SIL1: variants seen among roughly 807,000 people sequenced by gnomAD.
SIL1 encodes the protein SIL1 nucleotide exchange factor, also known as nucleotide exchange factor SIL1.
SIL1 carries 40 observed loss-of-function variants against 49.1 expected under a neutral mutation model. That is an observed-to-expected ratio of 0.81 (90% CI 0.63 to 1.06). The LOEUF (loss-of-function observed/expected upper bound fraction) is 1.06. Among genes scored for constraint, SIL1 ranks in the 50% least tolerant of loss-of-function variants. The pLI is 0.00. For missense variants in SIL1, 500 were observed against 572.6 expected (o/e 0.87, Z 1.29); for synonymous variants, 253 against 250.8 (o/e 1.01, Z -0.08).
At chr5:139,192,223 CAAA>C (rs71574438) in intron 1 of SIL1, among the ~76,000 whole-genome samples, 4 of 107,104 alleles carry the variant, frequency 3.7e-5, no homozygotes, top group Admixed American at 9.9e-5. Context: ...GACCCCATCT[CAAA>C]AAAAAAAAAA....
chr5:138,961,620 C>T (rs1007658163), intron 7 of SIL1, among the ~76,000 whole-genome samples: 2 of 152,104 alleles, frequency 1.3e-5, no homozygotes, highest in Admixed American at 6.5e-5. Flanking sequence ...ACACTGTTCT[C>T]GGAGGTTGCA....
intron 1 of SIL1, among the ~76,000 whole-genome samples, chr5:139,181,003 C>T (rs1751973040): frequency 6.6e-6 from 1 of 152,176 alleles, no homozygotes; most frequent in African/African-American, 2.4e-5. Context: ...TAACCCTTCC[C>T]CCTGCACTCA....
chr5:139,068,655 G>GAAAAAAAAAA (rs745799045), intron 3 of SIL1, among the ~76,000 whole-genome samples: 10 of 64,796 alleles, frequency 1.5e-4, no homozygotes, highest in Admixed American at 1.8e-4. Flanking sequence ...GAATGAAAAG[G>GAAAAAAAAAA]AAAAAAAAAA....
intron 7 of SIL1, among the ~76,000 whole-genome samples, chr5:138,957,115 A>T (rs963607787): frequency 6.6e-6 from 1 of 152,068 alleles, no homozygotes; most frequent in Non-Finnish European, 1.5e-5. Flanking sequence ...ACACACAGAC[A>T]CAATCATCTG....
intron 2 of SIL1, among the ~76,000 whole-genome samples, chr5:139,126,830 T>A (rs994380186): frequency 2.0e-5 from 3 of 152,156 alleles, no homozygotes; most frequent in Non-Finnish European, 4.4e-5. Flanking sequence ...CAATTGTCAT[T>A]TGCACTTCAA....
intron 3 of SIL1, among the ~76,000 whole-genome samples, chr5:139,119,547 G>A (rs1750562417): frequency 6.6e-6 from 1 of 152,162 alleles, no homozygotes. Flanking sequence ...GATTGCTCGA[G>A]CCCAGGAGTT....
At chr5:139,112,480 G>A (rs563132451) in intron 3 of SIL1, among the ~76,000 whole-genome samples, 1 of 149,584 alleles carries the variant, frequency 6.7e-6, no homozygotes, top group South Asian at 2.1e-4. Context: ...TGTGAGGAGC[G>A]CCTCTGCCCG....
intron 2 of SIL1, among the ~76,000 whole-genome samples, chr5:139,123,707 G>C (rs979474995): frequency 6.6e-6 from 1 of 152,212 alleles, no homozygotes; most frequent in Non-Finnish European, 1.5e-5. Flanking sequence ...TGGACCAGGT[G>C]TAAACAATAG....
chr5:139,121,335 C>A (rs973975312), intron 2 of SIL1, among the ~76,000 whole-genome samples, 162 bp from the exon 3 acceptor site: 5 of 152,170 alleles, frequency 3.3e-5, no homozygotes, highest in Non-Finnish European at 7.3e-5. Flanking sequence ...AGCCTCAGAA[C>A]CAGCACATGT....
chr5:139,033,016 CAG>C (rs1353072123), intron 5 of SIL1: 1 of 151,932 alleles, frequency 6.6e-6, no homozygotes, highest in Non-Finnish European at 1.5e-5. Flanking sequence ...GTTTTTGAAA[CAG>C]AGTCTCGTTC....
At chr5:139,134,969 G>C (rs1041658106) in intron 1 of SIL1, among the ~76,000 whole-genome samples, 1 of 152,126 alleles carries the variant, frequency 6.6e-6, no homozygotes, top group Non-Finnish European at 1.5e-5. Context: ...AACGCAAAGA[G>C]GACACTGAAA....
intron 7 of SIL1, among the ~76,000 whole-genome samples, chr5:139,018,023 C>A (rs1487126197): frequency 6.6e-6 from 1 of 152,150 alleles, no homozygotes; most frequent in Admixed American, 6.5e-5. Flanking sequence ...TATGTAAGAG[C>A]TTGACCTGCC....
chr5:139,089,918 A>T (rs1372430429), intron 3 of SIL1, among the ~76,000 whole-genome samples: 4 of 152,246 alleles, frequency 2.6e-5, no homozygotes, highest in Non-Finnish European at 4.4e-5. Flanking sequence ...ACTAAATACC[A>T]CTGAGCTTCT....
intron 7 of SIL1, among the ~76,000 whole-genome samples, chr5:139,004,658 G>C (rs1003053353): frequency 7.9e-5 from 12 of 152,134 alleles, no homozygotes; most frequent in African/African-American, 2.9e-4. Flanking sequence ...ATTCCTAACT[G>C]CAATTAGATT....
At chr5:139,166,196 C>A (rs926936739) in intron 1 of SIL1, among the ~76,000 whole-genome samples, 2 of 152,198 alleles carry the variant, frequency 1.3e-5, no homozygotes, top group Admixed American at 6.5e-5. Flanking sequence ...ACTGCACTGA[C>A]AGAATTTGTC....
chr5:139,126,673 C>T (rs1195890041), intron 2 of SIL1, among the ~76,000 whole-genome samples: 2 of 152,202 alleles, frequency 1.3e-5, no homozygotes, highest in South Asian at 2.1e-4. Flanking sequence ...CTCAAAAGGA[C>T]TCGTGACTCC....
rs1178095144 is a variant in SIL1, at chr5:138,957,881, T to C, written c.768-5997A>G. On this transcript the variant is annotated intron_variant, in intron 7 of 9. Transcript: ENST00000394817. ...CAGCTTTTGCCAGCTGTCCCAATAA[T>C]AGTCCTTACCCCCCACTCTTTCCTC... 2.0e-5 allele frequency among the ~76,000 whole-genome samples: 3 copies of C among 151,790 alleles called. 1 individual carries two copies. Among genetic ancestry groups the C allele is most frequent in the African/African-American group, 4.8e-5 (2 of 41,354 alleles).
chr5:138,946,989 T>C lies in SIL1; in HGVS notation c.*128A>G. Reference sequence around the variant, plus strand: ...ACACAGACACACAGCAGAAAGAGGATGGCCTTCAGGTTTCCATTTAATGGC... The same window carrying C: ...ACACAGACACACAGCAGAAAGAGGACGGCCTTCAGGTTTCCATTTAATGGC... On this transcript the variant is annotated 3_prime_UTR_variant, in exon 10 of 10. Transcript: ENST00000394817. The C allele has an allele frequency of 1.3e-6, 1 of 752,292 alleles. No homozygotes were observed. Among genetic ancestry groups the C allele is most frequent in the Non-Finnish European group, 2.4e-6 (1 of 423,136 alleles). The allele number at this position is 752,292 out of a possible 1,614,324, so 46.6% of individuals were successfully genotyped here.
chr5:139,007,713 G>A (rs1210039713), intron 7 of SIL1, among the ~76,000 whole-genome samples: 3 of 135,382 alleles, frequency 2.2e-5, no homozygotes, highest in Non-Finnish European at 4.7e-5. Context: ...CATCTATTGA[G>A]ATAATCATGT....
Sources: gnomAD v4.1 joint callset for allele counts (sites outside exome capture counted in the v4.1 genomes callset) on GRCh38, gnomAD v4.1.1 for gene constraint, MANE v1.5 for transcripts, NCBI Gene and HGNC (gene_info 2026-07-23, HGNC 2026-07-21) for gene names.